Variants in NDRG4 observed in about 807,000 individuals in gnomAD.
The protein encoded by NDRG4 is NDRG family member 4.
Under a neutral mutation model 55.8 loss-of-function variants are expected in NDRG4, and 38 were observed. The ratio of observed to expected loss-of-function variants is 0.68; its 90% CI spans 0.53 to 0.89. The LOEUF is 0.89. NDRG4 is among the 40% of genes least tolerant of loss of function. The pLI, the probability that NDRG4 is intolerant of heterozygous loss-of-function variation, is 0.00. For missense variants in NDRG4, 455 were observed against 468.6 expected (o/e 0.97, Z 0.27); for synonymous variants, 190 against 182.7 (o/e 1.04, Z -0.32).
Position 58,506,918 on chromosome 16 carries a change from C to T in NDRG4, c.523C>T (p.Leu175=), listed in dbSNP as rs1450932988. The change falls in exon 8 of 15, where the codon CTG becomes TTG. Residue 175 remains leucine (L), a synonymous_variant. Transcript: ENST00000570248. The part of the protein sequence containing the change: ...VLSHLFSQEE[L]VNNTELVQSY... ...TCCATCTCCCTGGGCCTAGGAGGAG[C>T]TGGTGAACAACACAGAGTTGGTGCA... is the stretch of plus-strand genomic sequence containing the variant. 1.9e-6 allele frequency: 3 copies of T among 1,613,960 alleles called. No individual in the cohort carries two copies. Among genetic ancestry groups the T allele is most frequent in the Admixed American group, 3.3e-5 (2 of 60,014 alleles).
Position 58,466,658 on chromosome 16 carries a change from C to T in NDRG4, c.-24+2861C>T, listed in dbSNP as rs1010125671. On this transcript the variant is annotated intron_variant, in intron 1 of 15. Coordinates refer to the NDRG4 transcript ENST00000258187. The stretch of plus-strand genomic sequence containing the variant: ...CCTGGCCCTGGGAGACAACCCATCC[C>T]CTCTGTTGCTATTTTGTGGTCTTCA... Among the ~76,000 whole-genome samples the T allele has an allele frequency of 6.6e-5, 10 of 152,356 alleles. No individual in the cohort carries two copies. The East Asian group carries it at 7.7e-4, about 12-fold the overall frequency.
chr16:58,498,772 T>C (rs553376982), upstream of NDRG4, among the ~76,000 whole-genome samples: 7 of 152,230 alleles, frequency 4.6e-5, no homozygotes, highest in South Asian at 2.1e-4. Context: ...CTCTCCAAAC[T>C]GTTGGCCCCT....
intron 5 of NDRG4, chr16:58,506,176 G>T (rs1567347224): frequency 1.5e-6 from 1 of 680,814 alleles, no homozygotes; most frequent in Non-Finnish European, 2.7e-6. Flanking sequence ...GTGTAGGGGT[G>T]GAAACAATGA....
downstream of NDRG4, among the ~76,000 whole-genome samples, chr16:58,514,517 G>A (rs1267801600): frequency 6.6e-6 from 1 of 151,920 alleles, no homozygotes; most frequent in Admixed American, 6.6e-5. Flanking sequence ...CGGGGGGATT[G>A]CCTGAGCTCA....
In NDRG4 at chr16:58,511,890, G is replaced by C. The variant is rs1399864140; in HGVS notation, c.*314G>C. 1.3e-5 allele frequency: 6 copies of C among 454,312 alleles called. No individual in the cohort carries two copies. Among genetic ancestry groups the C allele is most frequent in the African/African-American group, 1.2e-4 (6 of 50,638 alleles). 28.1% of individuals were successfully genotyped at this position (454,312 alleles called of 1,614,324 possible). On this transcript the variant is annotated 3_prime_UTR_variant, in exon 15 of 15. Coordinates refer to ENST00000570248, the MANE Select transcript of NDRG4 (RefSeq NM_001242835.2). ...TCGCTACGGATCCAGGCCATTCCTG[G>C]GTGAGCCCTTGGGCAGGCATGTTTG...
intron 10 of NDRG4, 50 bp from the exon 11 acceptor site, chr16:58,508,912 G>C (rs1229143337): frequency 6.2e-7 from 1 of 1,602,268 alleles, no homozygotes. Flanking sequence ...CTTGGCAATG[G>C]GGGTGGGGAG....
rs566567298 is a variant in NDRG4, at chr16:58,464,151, C to A, written c.-24+354C>A. 4 of 360,824 alleles carry A rather than the reference C, an allele frequency of 1.1e-5. No homozygotes were observed. Among genetic ancestry groups the A allele is most frequent in the Non-Finnish European group, 2.0e-5 (4 of 202,440 alleles). The allele number at this position is 360,824 out of a possible 1,614,324, so 22.4% of individuals were successfully genotyped here. A position where few individuals can be genotyped will look rare whatever the true frequency, so the allele number is the denominator to read the frequency against. On this transcript the variant is annotated intron_variant, in intron 1 of 15. Coordinates refer to the NDRG4 transcript ENST00000258187. The surrounding 1 kb of genome is among the most constrained non-coding windows in gnomAD (Gnocchi z 4.8). ...CCACGGTGTCACCGCACCCACCCCG[C>A]GCCCTTCCTCCGCCTCCTGGAGTTC...
intron 5 of NDRG4, chr16:58,506,166 GTGTA>G (rs750081087): frequency 1.5e-6 from 1 of 679,934 alleles, no homozygotes; most frequent in Non-Finnish European, 2.7e-6. Flanking sequence ...GTCTGTGTGT[GTGTA>G]GGGGTGGAAA....
At chr16:58,470,023 T>C (rs541527670) in intron 1 of NDRG4, among the ~76,000 whole-genome samples, 2 of 152,232 alleles carry the variant, frequency 1.3e-5, no homozygotes, top group African/African-American at 4.8e-5. Context: ...TTTCAGTGTC[T>C]AGATGAGCAT....
intron 2 of NDRG4, among the ~76,000 whole-genome samples, chr16:58,492,489 C>CGT (rs58901035): frequency 8.9e-4 from 111 of 124,036 alleles, no homozygotes; most frequent in Admixed American, 2.4e-3. Context: ...TCTGCTCCAC[C>CGT]GTGTGTGTGT....
chr16:58,503,644 CCT>C (rs2037450544), intron 1 of NDRG4, 152 bp from the exon 2 acceptor site: 7 of 1,463,354 alleles, frequency 4.8e-6, no homozygotes, highest in Admixed American at 2.0e-5. Context: ...TCCATTCAGT[CCT>C]CTCTGGGGGC....
chr16:58,503,965 C>T, intron 2 of NDRG4, 62 bp downstream of exon 2: 1 of 1,569,924 alleles, frequency 6.4e-7, no homozygotes, highest in East Asian at 2.2e-5. Flanking sequence ...GCGGTGAGGC[C>T]CCCCACCCTC....
chr16:58,476,167 C>G (rs1374308811), intron 1 of NDRG4, among the ~76,000 whole-genome samples: 3 of 152,312 alleles, frequency 2.0e-5, no homozygotes, highest in South Asian at 4.1e-4. Flanking sequence ...CAGAACATCA[C>G]GTCATCATAA....
chr16:58,490,987 T>C (rs1049645985), intron 2 of NDRG4, among the ~76,000 whole-genome samples: 1 of 136,748 alleles, frequency 7.3e-6, no homozygotes, highest in African/African-American at 2.8e-5. Flanking sequence ...AAAAACAAAA[T>C]AAAAGCCGGC....
chr16:58,496,741 C>A (rs1040524242), upstream of NDRG4, among the ~76,000 whole-genome samples: 3 of 152,174 alleles, frequency 2.0e-5, no homozygotes, highest in Non-Finnish European at 4.4e-5. Flanking sequence ...CATATGGACA[C>A]TCAGCTGACC....
chr16:58,507,625 T>C (rs1297893198), intron 8 of NDRG4, 183 bp from the exon 9 acceptor site: 28 of 601,428 alleles, frequency 4.7e-5, no homozygotes, highest in Non-Finnish European at 8.7e-6. Context: ...GAGAGCAAAA[T>C]TTGAGAGCCC....
At chr16:58,505,202 AGCCGGGC>A (rs2037722874) in intron 5 of NDRG4, among the ~76,000 whole-genome samples, 1 of 152,042 alleles carries the variant, frequency 6.6e-6, no homozygotes, top group African/African-American at 2.4e-5. Flanking sequence ...ACAAAAAATT[AGCCGGGC>A]GTAGTGGCGG....
Position 58,506,889 on chromosome 16 carries a change from TCCATCCATCTCC to T in NDRG4, c.517-21_517-10del. The T allele has an allele frequency of 6.2e-7, 1 of 1,604,392 alleles. No homozygotes were observed. ...CCCTCTGTCTGCCCCTCTGCATGCCTCCATCCATCTCCCTGGGCCTAGGAGGAGCTGGTGAAC... is the reference window on the plus strand; with the variant it reads ...CCCTCTGTCTGCCCCTCTGCATGCCTCTGGGCCTAGGAGGAGCTGGTGAAC... On this transcript the variant is annotated splice_polypyrimidine_tract_variant and intron_variant, in intron 7 of 14. Coordinates refer to ENST00000570248, the MANE Select transcript of NDRG4 (RefSeq NM_001242835.2).
intron 4 of NDRG4, 27 bp from the exon 5 acceptor site, chr16:58,504,562 T>C: frequency 6.2e-7 from 1 of 1,614,114 alleles, no homozygotes; most frequent in Non-Finnish European, 8.5e-7. Context: ...CCCCTAGCCC[T>C]AGAGTGACCA....
Sources: gnomAD v4.1 joint callset for allele counts (sites outside exome capture counted in the v4.1 genomes callset) on GRCh38, gnomAD v4.1.1 for gene constraint, Gnocchi (gnomAD v3.1) non-coding constraint, MANE v1.5 for transcripts, NCBI Gene and HGNC (gene_info 2026-07-23, HGNC 2026-07-21) for gene names.